Variants in SLC2A9 observed in about 807,000 individuals in gnomAD.
The protein encoded by SLC2A9 is solute carrier family 2 member 9.
SLC2A9 carries 39 observed loss-of-function variants against 50.6 expected under a neutral mutation model. That is an observed-to-expected ratio of 0.77 (90% CI 0.60 to 1.01). SLC2A9 has a LOEUF of 1.01. Among genes scored for constraint, SLC2A9 ranks in the 50% least tolerant of loss-of-function variants. The probability of loss-of-function intolerance (pLI) is 0.00; values close to 1 mark genes in which losing one functional copy is unlikely to be tolerated. For synonymous variants in SLC2A9, 324 were observed against 276.9 expected (o/e 1.17, Z -1.69); for missense variants, 686 against 677.6 (o/e 1.01, Z -0.14).
intron 6 of SLC2A9, among the ~76,000 whole-genome samples, chr4:9,922,363 G>A (rs1744095990): frequency 6.6e-6 from 1 of 152,102 alleles, no homozygotes; most frequent in South Asian, 2.1e-4. Context: ...AATAGCTAAT[G>A]CATGCAGGGC....
At chr4:9,947,517 G>A (rs1005970132) in intron 5 of SLC2A9, among the ~76,000 whole-genome samples, 13 of 152,026 alleles carry the variant, frequency 8.6e-5, no homozygotes, top group South Asian at 4.2e-4. Context: ...ATTTTATTTC[G>A]CTTTCATATT....
intron 3 of SLC2A9, among the ~76,000 whole-genome samples, chr4:9,994,676 C>T (rs1415528660): frequency 6.6e-6 from 1 of 151,346 alleles, no homozygotes; most frequent in Admixed American, 6.6e-5. Flanking sequence ...GTCAAAGTCC[C>T]TTGTAACACA....
chr4:9,805,284 C>T (rs979139954), intron 3 of SLC2A9, among the ~76,000 whole-genome samples: 1 of 152,218 alleles, frequency 6.6e-6, no homozygotes, highest in African/African-American at 2.4e-5. Flanking sequence ...AGCAGAAGGA[C>T]CACAGAAAGG....
chr4:9,878,111 C>A (rs760635360), intron 10 of SLC2A9, among the ~76,000 whole-genome samples: 2 of 151,970 alleles, frequency 1.3e-5, no homozygotes, highest in Non-Finnish European at 2.9e-5. Flanking sequence ...CAACTCCCAG[C>A]CCAGGGCTGG....
intron 5 of SLC2A9, among the ~76,000 whole-genome samples, chr4:9,974,893 G>C (rs190255292): frequency 2.6e-5 from 4 of 152,158 alleles, no homozygotes; most frequent in African/African-American, 4.8e-5. Flanking sequence ...TATGGTACTG[G>C]TACAAAAACA....
chr4:9,845,596 ATT>A (rs1039590000), intron 10 of SLC2A9, among the ~76,000 whole-genome samples: 2 of 149,310 alleles, frequency 1.3e-5, no homozygotes, highest in Non-Finnish European at 3.0e-5. Flanking sequence ...CGACCGGCTA[ATT>A]TTTTTGTATT....
upstream of SLC2A9, among the ~76,000 whole-genome samples, chr4:10,021,764 C>T (rs550983838): frequency 6.6e-6 from 1 of 151,880 alleles, no homozygotes; most frequent in South Asian, 2.1e-4. Context: ...GGATACCTCC[C>T]TAATGCTTGG....
At chr4:9,789,595 G>A (rs1476182729) in intron 3 of SLC2A9, among the ~76,000 whole-genome samples, 3 of 152,374 alleles carry the variant, frequency 2.0e-5, no homozygotes, top group East Asian at 3.9e-4. Context: ...GTTGATATGA[G>A]GGGAGAGTTA....
At chr4:9,847,782 T>C (rs1490189466) in intron 10 of SLC2A9, among the ~76,000 whole-genome samples, 1 of 152,220 alleles carries the variant, frequency 6.6e-6, no homozygotes, top group Admixed American at 6.5e-5. Flanking sequence ...CTTGAAAGGT[T>C]TTCCCTTTGT....
intron 10 of SLC2A9, chr4:9,879,368 G>T: frequency 4.1e-6 from 4 of 980,036 alleles, no homozygotes; most frequent in Non-Finnish European, 4.8e-6. Context: ...GTGTGTGTGT[G>T]TATTTATGTG....
At chr4:9,774,298 A>G (rs192554376) in intron 1 of SLC2A9, among the ~76,000 whole-genome samples, 1 of 152,230 alleles carries the variant, frequency 6.6e-6, no homozygotes, top group East Asian at 1.9e-4. Context: ...TGGCCAAAAA[A>G]TGATGAGAAA....
intron 5 of SLC2A9, among the ~76,000 whole-genome samples, chr4:9,979,009 A>C (rs1209568244): frequency 6.6e-6 from 1 of 152,244 alleles, no homozygotes; most frequent in Non-Finnish European, 1.5e-5. Context: ...CCCTAGAGTC[A>C]GTGAGGCTCA....
intron 8 of SLC2A9, 43 bp downstream of exon 8, chr4:9,908,192 A>T (rs1329082218): frequency 7.5e-7 from 1 of 1,326,826 alleles, no homozygotes; most frequent in Non-Finnish European, 1.1e-6. Flanking sequence ...TGTGCTGTGT[A>T]ACCCCCTGTG....
chr4:10,032,615 A>G (rs1763971554), intron 1 of SLC2A9, among the ~76,000 whole-genome samples: 2 of 152,134 alleles, frequency 1.3e-5, no homozygotes, highest in South Asian at 4.1e-4. Context: ...TGCTCATACC[A>G]AGTCAAGTCT....
At chr4:9,984,024 A>T (rs1025370665) in intron 4 of SLC2A9, among the ~76,000 whole-genome samples, 5 of 152,198 alleles carry the variant, frequency 3.3e-5, no homozygotes, top group Non-Finnish European at 7.3e-5. Flanking sequence ...AAGCATGAAC[A>T]CAGTTGGTCA....
intron 3 of SLC2A9, among the ~76,000 whole-genome samples, chr4:9,810,976 C>A (rs1008044400): frequency 6.6e-6 from 1 of 152,166 alleles, no homozygotes; most frequent in Non-Finnish European, 1.5e-5. Context: ...CTTTTCCAAC[C>A]TTTTCTGGTT....
chr4:9,792,163 CTTTT>C (rs34289788), intron 3 of SLC2A9, among the ~76,000 whole-genome samples: 2 of 77,224 alleles, frequency 2.6e-5, no homozygotes, highest in African/African-American at 4.9e-5. Context: ...TTCTATGTTT[CTTTT>C]TTTTTTTTTT....
At chr4:9,973,857 A>AT (rs1189121710) in intron 5 of SLC2A9, among the ~76,000 whole-genome samples, 1 of 140,396 alleles carries the variant, frequency 7.1e-6, no homozygotes, top group Non-Finnish European at 1.6e-5. Context: ...AACTTAAAGT[A>AT]TTAAAAAAAA....
chr4:9,814,384 T>G (rs1430626951), intron 3 of SLC2A9, among the ~76,000 whole-genome samples: 1 of 152,212 alleles, frequency 6.6e-6, no homozygotes, highest in African/African-American at 2.4e-5. Flanking sequence ...CCAGAGTATA[T>G]TAATTCTGGT....
Sources: allele counts gnomAD v4.1 joint callset (sites outside exome capture counted in the v4.1 genomes callset), GRCh38; gene constraint gnomAD v4.1.1; transcripts MANE v1.5; gene names NCBI Gene and HGNC (gene_info 2026-07-23, HGNC 2026-07-21).